Variants in LOC400499 observed in about 807,000 individuals in gnomAD.
the LOC400499 span, among the ~76,000 whole-genome samples, chr16:11,396,902 T>A: frequency 0.013 from 1,997 of 152,268 alleles, 47 homozygotes; most frequent in African/African-American, 0.045. Context: ...CTTCCCTTGC[T>A]CCCTCCGTAA....
chr16:11,451,384 A>G, the LOC400499 span, among the ~76,000 whole-genome samples: 1 of 152,184 alleles, frequency 6.6e-6, no homozygotes, highest in African/African-American at 2.4e-5. Context: ...GTTTGAGTCT[A>G]GCCTGGGCAA....
the LOC400499 span, among the ~76,000 whole-genome samples, chr16:11,373,007 T>G: frequency 6.6e-6 from 1 of 152,130 alleles, no homozygotes; most frequent in Non-Finnish European, 1.5e-5. Context: ...ATCTGTGGAG[T>G]GCTCACTCTG....
chr16:11,411,401 G>C, the LOC400499 span: 11 of 398,830 alleles, frequency 2.8e-5, no homozygotes, highest in African/African-American at 1.0e-4. Flanking sequence ...GCCATGTCGA[G>C]ACCAAGGGGA....
chr16:11,455,741 G>GAAAAAAAAAAAA, the LOC400499 span, among the ~76,000 whole-genome samples: 1 of 131,744 alleles, frequency 7.6e-6, no homozygotes, highest in Non-Finnish European at 1.6e-5. Context: ...TCTCAAAAAA[G>GAAAAAAAAAAAA]AAAAAAAAAA....
At chr16:11,426,604 A>G in the LOC400499 span, among the ~76,000 whole-genome samples, 14 of 152,018 alleles carry the variant, frequency 9.2e-5, no homozygotes, top group East Asian at 2.7e-3. Context: ...AGCTACTGCA[A>G]TAAGAAAAAA....
At chr16:11,412,420 G>A in the LOC400499 span, among the ~76,000 whole-genome samples, 1 of 152,194 alleles carries the variant, frequency 6.6e-6, no homozygotes, top group Admixed American at 6.5e-5. Context: ...TCGCCCCTAG[G>A]TGAGAACCAC....
At chr16:11,468,640 T>G in the LOC400499 span, among the ~76,000 whole-genome samples, 4 of 152,236 alleles carry the variant, frequency 2.6e-5, no homozygotes, top group East Asian at 7.7e-4. Context: ...CTTTCTTTCT[T>G]TTTTTGAGAC....
At chr16:11,469,160 G>A in the LOC400499 span, 19 of 399,620 alleles carry the variant, frequency 4.8e-5, no homozygotes, top group East Asian at 6.4e-4. Flanking sequence ...GGTGGGCCTA[G>A]GGTGTGGAGC....
At chr16:11,382,983 C>G in the LOC400499 span, among the ~76,000 whole-genome samples, 1 of 152,080 alleles carries the variant, frequency 6.6e-6, no homozygotes, top group African/African-American at 2.4e-5. Context: ...ACAAGCACGC[C>G]TCCAGCATTT....
the LOC400499 span, among the ~76,000 whole-genome samples, chr16:11,505,438 T>C: frequency 4.3e-5 from 6 of 140,650 alleles, no homozygotes; most frequent in Non-Finnish European, 7.8e-5. Flanking sequence ...TTTTTAATTT[T>C]TCTTTTCTTT....
At chr16:11,410,411 G>A in the LOC400499 span, among the ~76,000 whole-genome samples, 3 of 152,188 alleles carry the variant, frequency 2.0e-5, no homozygotes, top group Non-Finnish European at 2.9e-5. Flanking sequence ...CCGAAATTGT[G>A]CCACTGCACT....
chr16:11,453,622 T>G, the LOC400499 span, among the ~76,000 whole-genome samples: 1 of 151,610 alleles, frequency 6.6e-6, no homozygotes, highest in Non-Finnish European at 1.5e-5. Flanking sequence ...GCATATGAAG[T>G]CGAGGAAATC....
At chr16:11,457,691 C>T in the LOC400499 span, among the ~76,000 whole-genome samples, 3 of 151,852 alleles carry the variant, frequency 2.0e-5, no homozygotes, top group Admixed American at 1.3e-4. Flanking sequence ...TAGAAAGAAT[C>T]GAAAGCATCA....
At chr16:11,435,640 C>T in the LOC400499 span, 1 of 399,408 alleles carries the variant, frequency 2.5e-6, no homozygotes, top group Non-Finnish European at 4.4e-6. Flanking sequence ...TGCCTCCTCG[C>T]AGGCCACCTG....
the LOC400499 span, among the ~76,000 whole-genome samples, chr16:11,457,409 C>T: frequency 6.6e-6 from 1 of 151,832 alleles, no homozygotes; most frequent in Admixed American, 6.6e-5. Context: ...CCAGCTAACA[C>T]GGTGAAACCC....
the LOC400499 span, among the ~76,000 whole-genome samples, chr16:11,402,986 GA>G: frequency 5.9e-3 from 894 of 152,098 alleles, 15 homozygotes; most frequent in African/African-American, 0.02. Flanking sequence ...TGTGACAGGT[GA>G]CACCCCATAG....
At chr16:11,452,201 GT>G in the LOC400499 span, among the ~76,000 whole-genome samples, 1 of 77,198 alleles carries the variant, frequency 1.3e-5, no homozygotes, top group Non-Finnish European at 3.1e-5. Flanking sequence ...CAGTTTTTTT[GT>G]TTGTTTTTTT....
At chr16:11,403,057 G>C in the LOC400499 span, among the ~76,000 whole-genome samples, 1 of 152,036 alleles carries the variant, frequency 6.6e-6, no homozygotes, top group Non-Finnish European at 1.5e-5. Flanking sequence ...CTGTCCCCCA[G>C]GTGAGTCAAG....
the LOC400499 span, chr16:11,441,220 T>C: frequency 2.7e-3 from 1,087 of 396,992 alleles, 1 homozygote; most frequent in Admixed American, 3.8e-3. Context: ...CTTCCACTTA[T>C]AGGGCAGGAA....
Sources: gnomAD v4.1 joint callset for allele counts (sites outside exome capture counted in the v4.1 genomes callset) on GRCh38, gnomAD v4.1.1 for gene constraint, MANE v1.5 for transcripts.